Variants in RAD51B observed in about 807,000 individuals in gnomAD.
The protein encoded by RAD51B is DNA repair protein RAD51 homolog 2.
Under a neutral mutation model 42.2 loss-of-function variants are expected in RAD51B, and 38 were observed. The ratio of observed to expected loss-of-function variants is 0.90; its 90% confidence interval spans 0.70 to 1.18. The LOEUF (loss-of-function observed/expected upper bound fraction) is 1.18. RAD51B is among the 50% of genes most tolerant of loss of function. RAD51B has a pLI of 0.00. For missense variants in RAD51B, 373 were observed against 400.7 expected, an observed-to-expected ratio of 0.93 and a Z score of 0.59; for synonymous variants, 154 against 145.2, an observed-to-expected ratio of 1.06 and a Z score of -0.43.
At chr14:68,318,405 G>T (rs2082100744) in intron 8 of RAD51B, among the ~76,000 whole-genome samples, 1 of 152,154 alleles carries the variant, frequency 6.6e-6, no homozygotes, top group South Asian at 2.1e-4. Context: ...AGAAAAAAAA[G>T]AAGAGTGGTA....
intron 9 of RAD51B, among the ~76,000 whole-genome samples, chr14:68,424,940 A>G (rs2084797356): frequency 6.6e-6 from 1 of 152,060 alleles, no homozygotes; most frequent in Non-Finnish European, 1.5e-5. Flanking sequence ...ACACCTGGCT[A>G]TTTTTAAAAT....
At chr14:68,404,980 A>T (rs1281937456) in intron 8 of RAD51B, among the ~76,000 whole-genome samples, 2 of 152,206 alleles carry the variant, frequency 1.3e-5, no homozygotes, top group Non-Finnish European at 2.9e-5. Context: ...CATGAGAGAC[A>T]TGATAAGCCC....
At chr14:68,453,911 A>G (rs1466952056) in intron 9 of RAD51B, among the ~76,000 whole-genome samples, 2 of 152,208 alleles carry the variant, frequency 1.3e-5, no homozygotes, top group Non-Finnish European at 2.9e-5. Context: ...GCAAGGAGAG[A>G]AGAAAATAGA....
rs113121078 is a variant in RAD51B, at chr14:68,444,013, A to G, written c.958-24159A>G. On this transcript the variant is annotated intron_variant, in intron 9 of 10. Transcript: ENST00000471583. ...TTGTATGCTTCCAGTATGACTTTGA[A>G]GTGTATATTAGTGCCTAGAACTTTT... Among the ~76,000 whole-genome samples, 349 of 152,250 alleles carry G rather than the reference A, an allele frequency of 2.3e-3. 1 individual carries two copies. Among genetic ancestry groups the G allele is most frequent in the African/African-American group, 8.1e-3 (335 of 41,556 alleles).
intron 7 of RAD51B, among the ~76,000 whole-genome samples, chr14:68,004,001 C>T (rs1388923727): frequency 6.6e-6 from 1 of 151,936 alleles, no homozygotes; most frequent in African/African-American, 2.4e-5. Flanking sequence ...ATGTTAATGG[C>T]TTTTGTAGTG....
At chr14:68,425,974 T>TCC (rs1439927874) in intron 9 of RAD51B, among the ~76,000 whole-genome samples, 38 of 122,784 alleles carry the variant, frequency 3.1e-4, no homozygotes, top group Admixed American at 6.9e-4. Flanking sequence ...CTTTCTTTCT[T>TCC]TCTTCCTTCC....
At chr14:68,394,972 G>A (rs902185639) in intron 8 of RAD51B, among the ~76,000 whole-genome samples, 4 of 152,136 alleles carry the variant, frequency 2.6e-5, no homozygotes, top group African/African-American at 9.7e-5. Flanking sequence ...GGGAACAGAG[G>A]TCCGTCCCCT....
At chr14:67,994,833 GT>G (rs2075354669) in intron 7 of RAD51B, among the ~76,000 whole-genome samples, 1 of 152,178 alleles carries the variant, frequency 6.6e-6, no homozygotes, top group Non-Finnish European at 1.5e-5. Context: ...TTATAGCAGT[GT>G]TAGACACAAT....
intron 8 of RAD51B, among the ~76,000 whole-genome samples, chr14:68,302,235 C>T (rs1053616437): frequency 6.6e-6 from 1 of 152,142 alleles, no homozygotes; most frequent in Non-Finnish European, 1.5e-5. Context: ...GCTACAGTCC[C>T]TGCTCTATGG....
At chr14:68,060,837 C>A (rs867788518) in intron 7 of RAD51B, among the ~76,000 whole-genome samples, 6 of 152,110 alleles carry the variant, frequency 3.9e-5, no homozygotes, top group Non-Finnish European at 8.8e-5. Flanking sequence ...GAAGACAATT[C>A]TTTTCCCAAT....
intron 10 of RAD51B, among the ~76,000 whole-genome samples, chr14:68,650,183 A>C (rs1370985397): frequency 6.6e-6 from 1 of 152,126 alleles, no homozygotes; most frequent in East Asian, 1.9e-4. Flanking sequence ...CTACCCAAGG[A>C]CCTCTGCACC....
intron 10 of RAD51B, among the ~76,000 whole-genome samples, chr14:68,621,454 C>G (rs1038833552): frequency 6.6e-6 from 1 of 152,344 alleles, no homozygotes; most frequent in Non-Finnish European, 1.5e-5. Context: ...ATGCTTTAGG[C>G]CTACCCAAGC....
chr14:68,094,112 A>G (rs747148004), intron 7 of RAD51B, among the ~76,000 whole-genome samples: 2 of 152,186 alleles, frequency 1.3e-5, no homozygotes, highest in Non-Finnish European at 1.5e-5. Flanking sequence ...GTACCTCTTT[A>G]TATTACTAGT....
At chr14:68,578,142 A>G (rs1890046488) in intron 10 of RAD51B, among the ~76,000 whole-genome samples, 1 of 152,238 alleles carries the variant, frequency 6.6e-6, no homozygotes, top group Admixed American at 6.5e-5. Context: ...AAAGAACGTA[A>G]TGGCTGGGCG....
chr14:68,535,572 C>T (rs1050857693), intron 10 of RAD51B, among the ~76,000 whole-genome samples: 2 of 152,178 alleles, frequency 1.3e-5, no homozygotes, highest in African/African-American at 2.4e-5. Context: ...GCCTTAGGAT[C>T]ACCAGGCTGA....
intron 10 of RAD51B, among the ~76,000 whole-genome samples, chr14:68,590,769 C>T (rs1320584134): frequency 6.6e-6 from 1 of 152,208 alleles, no homozygotes; most frequent in African/African-American, 2.4e-5. Context: ...GCCGAATCAC[C>T]TGTTATGGCA....
intron 8 of RAD51B, among the ~76,000 whole-genome samples, chr14:68,309,446 A>G (rs540423696): frequency 2.0e-5 from 3 of 152,216 alleles, no homozygotes; most frequent in Non-Finnish European, 4.4e-5. Context: ...AAGAATGTTT[A>G]TTTTCAGGTA....
At chr14:68,401,262 C>T (rs2084096597) in intron 8 of RAD51B, among the ~76,000 whole-genome samples, 1 of 152,174 alleles carries the variant, frequency 6.6e-6, no homozygotes, top group Non-Finnish European at 1.5e-5. Flanking sequence ...CCCAGTATAA[C>T]TATTAAAATG....
chr14:68,337,549 G>A (rs188305375), intron 8 of RAD51B, among the ~76,000 whole-genome samples: 3 of 152,104 alleles, frequency 2.0e-5, no homozygotes, highest in Admixed American at 6.5e-5. Flanking sequence ...TTCCTTTGCT[G>A]TCTAGCTTTC....
Sources: allele counts gnomAD v4.1 joint callset (sites outside exome capture counted in the v4.1 genomes callset), GRCh38; gene constraint gnomAD v4.1.1; transcripts MANE v1.5; gene names NCBI Gene and HGNC (gene_info 2026-07-23, HGNC 2026-07-21).